SETD7: variants seen among roughly 807,000 people sequenced by gnomAD.
The protein encoded by SETD7 is histone-lysine N-methyltransferase SETD7.
In SETD7, 16 loss-of-function variants were observed where a neutral mutation model predicts 41.8. That is an observed-to-expected ratio of 0.38 (90% confidence interval 0.26 to 0.58). The LOEUF is 0.58. SETD7 is among the 20% of genes least tolerant of loss of function. SETD7 has a pLI of 0.64. For synonymous variants in SETD7, 163 were observed against 169.7 expected, an observed-to-expected ratio of 0.96 and a Z score of 0.31; for missense variants, 346 against 459.7, an observed-to-expected ratio of 0.75 and a Z score of 2.26.
chr4:139,493,280 G>A (rs1726385186), downstream of SETD7, among the ~76,000 whole-genome samples: 1 of 152,200 alleles, frequency 6.6e-6, no homozygotes, highest in Non-Finnish European at 1.5e-5. Flanking sequence ...GCTGAAGGGT[G>A]ACAGAGAGAA....
At chr4:139,498,015 AGTGCAGG>A (rs1367209595) in intron 7 of SETD7, among the ~76,000 whole-genome samples, 2 of 152,244 alleles carry the variant, frequency 1.3e-5, no homozygotes, top group African/African-American at 2.4e-5. Flanking sequence ...AAACTGGGAA[AGTGCAGG>A]AGATTTACGG....
Position 139,539,669 on chromosome 4 carries a change from C to T in SETD7, c.171-6303G>A, listed in dbSNP as rs77289695. ...CAAACCTCAAGAAAACTTTCTGCTA[C>T]GGACTAAATGTTTGTGTCTCCCCAA... is the stretch of plus-strand genomic sequence containing the variant. On this transcript the variant is annotated intron_variant, in intron 2 of 7. Coordinates refer to ENST00000274031, the MANE Select transcript of SETD7 (RefSeq NM_030648.4). Among the ~76,000 whole-genome samples, 419 of 152,352 alleles carry T rather than the reference C, an allele frequency of 2.8e-3. 7 individuals are homozygous for T. The East Asian group carries it at 0.039, about 14-fold the overall frequency.
chr4:139,519,494 G>C (rs1159662922), intron 6 of SETD7, among the ~76,000 whole-genome samples: 1 of 152,252 alleles, frequency 6.6e-6, no homozygotes, highest in Non-Finnish European at 1.5e-5. Context: ...ATGGGACGTA[G>C]TCTGACAGAC....
intron 6 of SETD7, among the ~76,000 whole-genome samples, chr4:139,519,609 C>T (rs116336310): frequency 5.9e-5 from 9 of 152,282 alleles, no homozygotes; most frequent in Admixed American, 2.6e-4. Flanking sequence ...ACTGTTCCAC[C>T]GGAATAAATG....
At chr4:139,500,904 CG>C (rs1412535451) in intron 7 of SETD7, among the ~76,000 whole-genome samples, 1 of 152,158 alleles carries the variant, frequency 6.6e-6, no homozygotes, top group Non-Finnish European at 1.5e-5. Context: ...CCCCACTGGC[CG>C]GTCCCCTGGC....
At chr4:139,540,597 G>A (rs1727754253) in intron 2 of SETD7, among the ~76,000 whole-genome samples, 1 of 152,130 alleles carries the variant, frequency 6.6e-6, no homozygotes, top group Non-Finnish European at 1.5e-5. Context: ...TGTCAAATGG[G>A]ATTATAAAAC....
chr4:139,521,751 TC>T (rs909096018), intron 5 of SETD7, among the ~76,000 whole-genome samples: 3 of 152,178 alleles, frequency 2.0e-5, no homozygotes, highest in Admixed American at 2.0e-4. Flanking sequence ...TGCAGGCAAG[TC>T]TCAGGTGTGA....
At chr4:139,518,434 T>C (rs1727090091) in intron 6 of SETD7, among the ~76,000 whole-genome samples, 1 of 152,216 alleles carries the variant, frequency 6.6e-6, no homozygotes, top group Middle Eastern at 3.4e-3. Flanking sequence ...CAGCCAAAAC[T>C]TCAAGGTTTG....
chr4:139,498,739 T>G (rs2592964), intron 7 of SETD7, among the ~76,000 whole-genome samples: 94,245 of 152,076 alleles, frequency 0.62, 31,449 homozygotes, highest in East Asian at 0.88. Context: ...AGGCAGATCC[T>G]GCCAACCAGA....
intron 3 of SETD7, chr4:139,532,837 C>T (rs1727525317): frequency 2.7e-6 from 1 of 377,166 alleles, no homozygotes; most frequent in South Asian, 3.8e-5. Context: ...CCACTATCTC[C>T]CTCTATGTGC....
Position 139,512,528 on chromosome 4 carries a change from G to A in SETD7, c.921-685C>T, listed in dbSNP as rs781021053. Among the ~76,000 whole-genome samples, 31 of 152,088 alleles carry A rather than the reference G, an allele frequency of 2.0e-4. 1 individual carries two copies. Among genetic ancestry groups the A allele is most frequent in the Middle Eastern group, 3.2e-3 (1 of 316 alleles). ...AACAAGTCCTCTTGGGACCAGAAAC[G>A]AGGTTAACACTATGGCTATGTTCAT... On this transcript the variant is annotated intron_variant, in intron 7 of 7. Transcript: ENST00000274031.
exon 8 of SETD7, chr4:139,496,380 C>T (rs1359397633): frequency 1.4e-6 from 1 of 702,420 alleles, no homozygotes; most frequent in Non-Finnish European, 2.6e-6. Flanking sequence ...TCATTATGAG[C>T]ATCAGTCCTT....
At position 139,555,974 on chromosome 4, in the gene SETD7, G is replaced by A. The variant is rs1728257413; in HGVS notation, c.40+124C>T. On this transcript the variant is annotated intron_variant, in intron 1 of 7. Coordinates refer to ENST00000274031, the MANE Select transcript of SETD7 (RefSeq NM_030648.4). This position sits in a 1 kb window ranked among gnomAD's most constrained non-coding sequence, Gnocchi z 4.0. ...GGGCCCCCGCCCGAGCCGGGCAACC[G>A]GCCACCCGTGTAGGGGACAGTGGCG... 2 of 882,874 alleles carry A rather than the reference G, an allele frequency of 2.3e-6. No individual in the cohort carries two copies. Among genetic ancestry groups the A allele is most frequent in the Admixed American group, 4.4e-5 (1 of 22,852 alleles). 54.7% of individuals were successfully genotyped at this position (882,874 alleles called of 1,614,324 possible).
chr4:139,546,933 A>G lies in SETD7; in HGVS notation c.157T>C (p.Phe53Leu), dbSNP rs1727969541. The G allele has an allele frequency of 6.2e-7, 1 of 1,614,246 alleles. No individual in the cohort carries two copies. The highest frequency in any genetic ancestry group is 1.3e-5 in the African/African-American group (1 of 75,062). Residue 53 changes from phenylalanine to leucine, a missense_variant, in exon 2 of 8, where the codon TTC (phenylalanine) becomes CTC (leucine). Physicochemically the swap from Phe to Leu is conservative, Grantham distance 22. Around this residue, in one of 3 missense-constraint regions of SETD7, gnomAD observed 266 missense variants for 377.0 expected, o/e 0.71. Transcript: ENST00000274031. ...TGTGAGTGCTACCTGCCATCAAAGA[A>G]GAAGAACTTCCCCCGTCCGTTCTTT... is the stretch of plus-strand genomic sequence containing the variant. Reference protein sequence around the residue: ...GEKNGRGKFFFFDGSTLEGYY... With the variant: ...GEKNGRGKFFLFDGSTLEGYY...
In SETD7 at chr4:139,529,239, A is replaced by C. The variant is rs537545111; in HGVS notation, c.373-19T>G. The C allele has an allele frequency of 2.4e-4, 379 of 1,590,754 alleles. 10 individuals carry two copies. In the South Asian group the frequency reaches 3.8e-3, roughly 16 times the overall value. ...CTCCATCCTGATGGGAGAAACCAAAAACCAGAAAATATTATATATAGTATG... is the reference window on the plus strand; with the variant it reads ...CTCCATCCTGATGGGAGAAACCAAACACCAGAAAATATTATATATAGTATG... On this transcript the variant is annotated intron_variant, in intron 3 of 7. Transcript: ENST00000274031.
At chr4:139,552,009 T>C in intron 1 of SETD7, among the ~76,000 whole-genome samples, 1 of 152,322 alleles carries the variant, frequency 6.6e-6, no homozygotes, top group African/African-American at 2.4e-5. Flanking sequence ...ATTTTTTAGG[T>C]TTTTAAAAAA....
intron 7 of SETD7, among the ~76,000 whole-genome samples, chr4:139,515,814 T>G (rs940099383): frequency 3.9e-5 from 6 of 152,170 alleles, no homozygotes; most frequent in African/African-American, 1.4e-4. Context: ...GCCTACAGAT[T>G]AAATGCACAT....
chr4:139,516,286 T>C (rs1213422066), intron 7 of SETD7, among the ~76,000 whole-genome samples: 1 of 6,158 alleles, frequency 1.6e-4, no homozygotes, highest in Admixed American at 4.1e-3. Flanking sequence ...GCCAACATGG[T>C]GAAACCCCCA....
chr4:139,541,073 A>T (rs959195743), intron 2 of SETD7, among the ~76,000 whole-genome samples: 2 of 152,212 alleles, frequency 1.3e-5, no homozygotes, highest in Non-Finnish European at 2.9e-5. Context: ...TGGGCACAGG[A>T]GAAAGAAGCC....
Sources: allele counts gnomAD v4.1 joint callset (sites outside exome capture counted in the v4.1 genomes callset), GRCh38; gene constraint gnomAD v4.1.1; regional missense constraint gnomAD v4.1.1; non-coding constraint Gnocchi (gnomAD v3.1); transcripts MANE v1.5; gene names NCBI Gene and HGNC (gene_info 2026-07-23, HGNC 2026-07-21).